The following CTNNA2 variants were observed in gnomAD, a reference collection of about 807,000 sequenced individuals.
CTNNA2 encodes the protein catenin alpha-2.
Under a neutral mutation model 101.0 loss-of-function variants are expected in CTNNA2, and 42 were observed. The ratio of observed to expected loss-of-function variants is 0.42; its 90% CI spans 0.32 to 0.54. The LOEUF is 0.54. CTNNA2 is among the 20% of genes least tolerant of loss of function. The pLI, the probability that CTNNA2 is intolerant of heterozygous loss-of-function variation, is 0.14. For missense variants in CTNNA2, 871 were observed against 1,223.1 expected (o/e 0.71, Z 4.29); for synonymous variants, 450 against 456.4 (o/e 0.99, Z 0.18).
At chr2:80,555,600 C>A (rs1692961538) in intron 11 of CTNNA2, 93 bp from the exon 12 acceptor site, 2 of 669,006 alleles carry the variant, frequency 3.0e-6, no homozygotes, top group African/African-American at 3.7e-5. Flanking sequence ...GAGATGTGTC[C>A]AAGGCAAGGG....
chr2:80,298,337 C>T (rs759964045), intron 7 of CTNNA2: 3 of 152,124 alleles, frequency 2.0e-5, no homozygotes, highest in Non-Finnish European at 4.4e-5. Flanking sequence ...ATTTTGACTA[C>T]CCTGAAACAT....
intron 7 of CTNNA2, among the ~76,000 whole-genome samples, chr2:80,010,945 A>G (rs1693734052): frequency 6.6e-6 from 1 of 152,142 alleles, no homozygotes; most frequent in African/African-American, 2.4e-5. Context: ...TAGATTTTCA[A>G]GTGTGGAATC....
At chr2:79,755,642 T>A (rs1672348136) in intron 3 of CTNNA2, among the ~76,000 whole-genome samples, 1 of 152,172 alleles carries the variant, frequency 6.6e-6, no homozygotes. Flanking sequence ...AACTCCAGAT[T>A]CAGTATGTCT....
chr2:79,675,115 C>A (rs1683096002), intron 2 of CTNNA2, among the ~76,000 whole-genome samples: 2 of 152,062 alleles, frequency 1.3e-5, no homozygotes, highest in African/African-American at 4.8e-5. Context: ...ATCACCTATT[C>A]CATGATATAA....
chr2:80,170,855 C>A (rs1474443821), intron 7 of CTNNA2, among the ~76,000 whole-genome samples: 1 of 152,260 alleles, frequency 6.6e-6, no homozygotes, highest in East Asian at 1.9e-4. Flanking sequence ...TTATATTTAA[C>A]TGCTCTATAC....
chr2:80,225,209 G>A (rs1708810295), intron 7 of CTNNA2, among the ~76,000 whole-genome samples: 1 of 152,104 alleles, frequency 6.6e-6, no homozygotes, highest in Non-Finnish European at 1.5e-5. Context: ...GCTCCAACCT[G>A]GCCATGGCTA....
intron 7 of CTNNA2, chr2:80,298,680 T>G (rs1349749737): frequency 2.0e-5 from 3 of 152,242 alleles, no homozygotes; most frequent in African/African-American, 7.2e-5. Context: ...TCTGCCTTCT[T>G]GAAGGCAGAG....
chr2:80,547,967 C>T (rs1428810605), intron 11 of CTNNA2, among the ~76,000 whole-genome samples: 1 of 152,152 alleles, frequency 6.6e-6, no homozygotes, highest in Non-Finnish European at 1.5e-5. Context: ...GCTGGTATTA[C>T]AGGCGTGAGC....
chr2:80,429,254 G>T (rs953551692), intron 9 of CTNNA2, among the ~76,000 whole-genome samples: 8 of 152,068 alleles, frequency 5.3e-5, no homozygotes, highest in Admixed American at 4.6e-4. Flanking sequence ...TAAAGCTAGG[G>T]TTTTAAAATT....
intron 12 of CTNNA2, among the ~76,000 whole-genome samples, chr2:80,566,430 A>C (rs1055280852): frequency 1.3e-5 from 2 of 152,246 alleles, no homozygotes; most frequent in Non-Finnish European, 2.9e-5. Flanking sequence ...CATCTGTCAC[A>C]CATACATATT....
intron 4 of CTNNA2, chr2:79,500,806 G>A (rs1336666153): frequency 1.3e-5 from 2 of 152,366 alleles, no homozygotes; most frequent in East Asian, 3.9e-4. Flanking sequence ...AGCTTCAATG[G>A]TCCCTCTTGC....
At chr2:80,498,522 C>A (rs1687638830) in intron 9 of CTNNA2, among the ~76,000 whole-genome samples, 1 of 152,168 alleles carries the variant, frequency 6.6e-6, no homozygotes. Context: ...CTAAAGGGCC[C>A]TTTCAGCATA....
Position 80,303,978 on chromosome 2 carries a change from C to A in CTNNA2, c.1057-89233C>A. ...AGAAATAAAGAAGGACCCCCCTCCCCAAAAACCACACGTTCACCTCTAAGC... is the reference window on the plus strand; with the variant it reads ...AGAAATAAAGAAGGACCCCCCTCCCAAAAAACCACACGTTCACCTCTAAGC... On this transcript the variant is annotated intron_variant, in intron 7 of 18. Coordinates refer to ENST00000402739, the MANE Select transcript of CTNNA2 (RefSeq NM_001282597.3). The surrounding 1 kb of genome is among the most constrained non-coding windows in gnomAD (Gnocchi z 7.7). 1.3e-6 allele frequency: 1 copy of A among 794,790 alleles called. No homozygotes were observed. Among genetic ancestry groups the A allele is most frequent in the Non-Finnish European group, 1.9e-6 (1 of 539,018 alleles). 49.2% of individuals were successfully genotyped at this position (794,790 alleles called of 1,614,324 possible).
intron 7 of CTNNA2, among the ~76,000 whole-genome samples, chr2:80,325,185 A>T (rs976609233): frequency 4.6e-5 from 7 of 152,188 alleles, no homozygotes; most frequent in African/African-American, 1.7e-4. Flanking sequence ...TCAGACATTG[A>T]ACACTAGTGT....
At chr2:80,165,150 C>G (rs1349953168) in intron 7 of CTNNA2, among the ~76,000 whole-genome samples, 1 of 151,828 alleles carries the variant, frequency 6.6e-6, no homozygotes, top group Non-Finnish European at 1.5e-5. Context: ...TGCTTTTTCT[C>G]TTCTCCTTCA....
intron 6 of CTNNA2, among the ~76,000 whole-genome samples, chr2:79,894,322 G>T (rs1037880885): frequency 1.3e-5 from 2 of 151,096 alleles, no homozygotes; most frequent in Non-Finnish European, 2.9e-5. Flanking sequence ...CTAACTGGTT[G>T]CCCTGCCCCC....
chr2:80,262,463 A>G (rs1420786130), intron 7 of CTNNA2, among the ~76,000 whole-genome samples: 1 of 152,154 alleles, frequency 6.6e-6, no homozygotes, highest in East Asian at 1.9e-4. Context: ...CTTATTTCCT[A>G]ATGGGAATTC....
intron 8 of CTNNA2, among the ~76,000 whole-genome samples, chr2:80,408,543 A>G (rs892407988): frequency 6.6e-6 from 1 of 152,184 alleles, no homozygotes; most frequent in Admixed American, 6.5e-5. Flanking sequence ...GGGTAAGGCT[A>G]TTCTGTTACT....
chr2:79,755,545 A>G (rs1672340888), intron 3 of CTNNA2, among the ~76,000 whole-genome samples: 1 of 152,124 alleles, frequency 6.6e-6, no homozygotes, highest in East Asian at 1.9e-4. Context: ...TGTTTCTCAG[A>G]GTGAAGTTCA....
Sources: gnomAD v4.1 joint callset for allele counts (sites outside exome capture counted in the v4.1 genomes callset) on GRCh38, gnomAD v4.1.1 for gene constraint, Gnocchi (gnomAD v3.1) non-coding constraint, MANE v1.5 for transcripts, NCBI Gene and HGNC (gene_info 2026-07-23, HGNC 2026-07-21) for gene names.